The following LILRA1 variants were observed in gnomAD, a reference collection of about 807,000 sequenced individuals.
LILRA1 encodes leukocyte immunoglobulin like receptor A1, also known as leukocyte immunoglobulin-like receptor subfamily A member 1.
A neutral mutation model predicts 51.6 loss-of-function variants in LILRA1; 51 were observed. The ratio of observed to expected loss-of-function variants is 0.99; its 90% CI spans 0.79 to 1.25. LILRA1 has a LOEUF of 1.25. LILRA1 is among the 50% of genes most tolerant of loss of function. The probability of loss-of-function intolerance (pLI) is 0.00; values close to 1 mark genes in which losing one functional copy is unlikely to be tolerated. For synonymous variants in LILRA1, 305 were observed against 248.4 expected, an observed-to-expected ratio of 1.23 and a Z score of -2.14; for missense variants, 660 against 611.7, an observed-to-expected ratio of 1.08 and a Z score of -0.83.
In LILRA1 at chr19:54,596,190, A is replaced by G; in HGVS notation, c.960A>G (p.Gly320=). 6.2e-7 allele frequency: 1 copy of G among 1,613,368 alleles called. No homozygotes were observed. The highest frequency in any genetic ancestry group is 8.5e-7 in the Non-Finnish European group (1 of 1,179,562). ...CTCACCCATCCTTCTTCTCTCCAGG[A>G]CAGTTCCGTGGCAGACCCTTCATCT... ...PSDPLDILIA[G]QFRGRPFISV... The change falls in exon 7 of 10, where the codon GGA becomes GGG. Residue 320 remains glycine, a splice_region_variant and synonymous_variant. Transcript: ENST00000251372.
rs758619951 is a variant in LILRA1 at position 54,594,678 on chromosome 19, G to A, written c.84G>A (p.Lys28=). ...ATTTCCTTCCAGGGACCCTCCCCAAGCCCACACTCTGGGCTGAGCCAGGCT... is the reference window on the plus strand; with the variant it reads ...ATTTCCTTCCAGGGACCCTCCCCAAACCCACACTCTGGGCTGAGCCAGGCT... The part of the protein sequence containing the change: ...RTHVQAGTLP[K]PTLWAEPGSV... The change falls in exon 4 of 10, where the codon AAG becomes AAA. Residue 28 remains lysine, a synonymous_variant. Transcript: ENST00000251372. 3.1e-6 allele frequency: 5 copies of A among 1,613,030 alleles called. No homozygotes were observed. The East Asian group carries it at 8.9e-5, about 29-fold the overall frequency.
rs758917013 is a variant in LILRA1, at chr19:54,595,172, A to T, written c.431A>T (p.His144Leu). ...ACCTCAGGAGGGAACGTGACCCTCC[A>T]TTGTGTCTCACAGGTGGCATTTGGC... ...VVTSGGNVTLHCVSQVAFGSF... is the reference protein window; with the variant it reads ...VVTSGGNVTLLCVSQVAFGSF... Residue 144 changes from histidine (H) to leucine (L), a missense_variant, in exon 5 of 10, where the codon CAT becomes CTT. Transcript: ENST00000251372. The T allele has an allele frequency of 2.5e-6, 4 of 1,614,032 alleles. No homozygotes were observed. The highest frequency in any genetic ancestry group is 3.4e-6 in the Non-Finnish European group (4 of 1,179,990).
chr19:54,597,302 G>A (rs918031971), intron 7 of LILRA1, among the ~76,000 whole-genome samples: 23 of 152,190 alleles, frequency 1.5e-4, no homozygotes, highest in South Asian at 4.1e-4. Flanking sequence ...GTGCTCCAGG[G>A]ATGGGGCAGG....
Position 54,599,274 on chromosome 19 carries a change from G to C in LILRA1, c.1300G>C (p.Asp434His). The C allele has an allele frequency of 6.4e-7, 1 of 1,571,036 alleles. No individual in the cohort carries two copies. Among genetic ancestry groups the C allele is most frequent in the Non-Finnish European group, 8.7e-7 (1 of 1,153,612 alleles). Residue 434 changes from aspartate (D) to histidine (H), a missense_variant, in exon 8 of 10, where the codon GAT becomes CAT. By Grantham distance (81) the Asp-to-His change is moderately conservative. Coordinates refer to ENST00000251372, the MANE Select transcript of LILRA1 (RefSeq NM_006863.4). ...CCTCAGCCCACCACAAAACAAGTCC[G>C]ATTCCAAGGCTGGTGAGTGAGGAGA... is the stretch of plus-strand genomic sequence containing the variant. ...ETLSPPQNKS[D>H]SKAGAANTLS...
In LILRA1 at chr19:54,595,682, A is replaced by G. The variant is rs777353100; in HGVS notation, c.705A>G (p.Ile235Met). 2.4e-5 allele frequency: 35 copies of G among 1,469,478 alleles called. 1 individual carries two copies. Among genetic ancestry groups the G allele is most frequent in the East Asian group, 1.4e-4 (6 of 43,828 alleles). The allele number at this position is 1,469,478 out of a possible 1,614,324, so 91.0% of individuals were successfully genotyped here. The stretch of plus-strand genomic sequence containing the variant: ...CACTCTCAGTGCAGCCAGGTCCTAT[A>G]GTGGCCCCTGGGGAGAGCCTGACCC... ...KPSLSVQPGP[I>M]VAPGESLTLQ... The change falls in exon 6 of 10, where the codon ATA becomes ATG. Residue 235 changes from isoleucine (I) to methionine (M), a missense_variant. Coordinates refer to ENST00000251372, the MANE Select transcript of LILRA1 (RefSeq NM_006863.4).
At chr19:54,595,014 A>AG (rs2063002090) in intron 4 of LILRA1, 62 bp downstream of exon 4, 2 of 1,604,848 alleles carry the variant, frequency 1.2e-6, no homozygotes, top group South Asian at 2.2e-5. Flanking sequence ...GTCAGTTCTC[A>AG]GGGGCATCTC....
At position 54,595,204 on chromosome 19, in the gene LILRA1, A is replaced by G; in HGVS notation, c.463A>G (p.Ile155Val). ...CVSQVAFGSF[I>V]LCKEGEDEHP... ...CTCACAGGTGGCATTTGGCAGCTTCATTCTGTGTAAGGAAGGAGAAGATGA... is the reference window on the plus strand; with the variant it reads ...CTCACAGGTGGCATTTGGCAGCTTCGTTCTGTGTAAGGAAGGAGAAGATGA... The change falls in exon 5 of 10, where the codon ATT becomes GTT. Residue 155 changes from isoleucine (I) to valine (V), a missense_variant. Physicochemically the swap from Ile to Val is conservative, Grantham distance 29. Coordinates refer to ENST00000251372, the MANE Select transcript of LILRA1 (RefSeq NM_006863.4). 6.2e-7 allele frequency: 1 copy of G among 1,614,032 alleles called. No homozygotes were observed. Among genetic ancestry groups the G allele is most frequent in the Non-Finnish European group, 8.5e-7 (1 of 1,179,990 alleles).
chr19:54,596,317 G>A lies in LILRA1; in HGVS notation c.1087G>A (p.Ala363Thr), dbSNP rs2063054572. The change falls in exon 7 of 10, where the codon GCT (alanine) becomes ACT (threonine). Residue 363 changes from alanine (A) to threonine (T), a missense_variant. By Grantham distance (58) the Ala-to-Thr change is moderately conservative. Coordinates refer to ENST00000251372, the MANE Select transcript of LILRA1 (RefSeq NM_006863.4). ...HTFLLTKAGAADAPLRLRSIH... is the reference protein window; with the variant it reads ...HTFLLTKAGATDAPLRLRSIH... Reference sequence around the variant, plus strand: ...TTTCCTTCTGACCAAGGCGGGAGCAGCTGATGCCCCCCTCCGTCTCAGATC... The same window carrying A: ...TTTCCTTCTGACCAAGGCGGGAGCAACTGATGCCCCCCTCCGTCTCAGATC... 2 of 1,614,026 alleles carry A rather than the reference G, an allele frequency of 1.2e-6. No homozygotes were observed. Among genetic ancestry groups the A allele is most frequent in the Admixed American group, 1.7e-5 (1 of 59,998 alleles).
chr19:54,594,160 G>C, intron 1 of LILRA1, 37 bp from the exon 2 acceptor site: 2 of 1,085,752 alleles, frequency 1.8e-6, no homozygotes, highest in East Asian at 2.3e-5. Context: ...GGGAAGGAGG[G>C]GAGGCTATTT....
chr19:54,597,967 G>T (rs1164535544), intron 7 of LILRA1, among the ~76,000 whole-genome samples: 1 of 150,540 alleles, frequency 6.6e-6, no homozygotes, highest in Non-Finnish European at 1.5e-5. Flanking sequence ...GGCACCCACA[G>T]CTGGAGTGCT....
chr19:54,599,390 T>C, intron 8 of LILRA1, 104 bp downstream of exon 8: 1 of 1,419,314 alleles, frequency 7.0e-7, no homozygotes, highest in Non-Finnish European at 9.4e-7. Context: ...ATTACATTCA[T>C]TCTAATTTAA....
intron 8 of LILRA1, chr19:54,599,758 T>C (rs1799250284): frequency 2.5e-6 from 1 of 407,966 alleles, no homozygotes. Flanking sequence ...CTTTTGAATA[T>C]GTGTGTAAGT....
At chr19:54,599,206 A>T (rs1276984721) in intron 7 of LILRA1, 30 bp from the exon 8 acceptor site, 1 of 1,538,788 alleles carries the variant, frequency 6.5e-7, no homozygotes, top group African/African-American at 1.4e-5. Flanking sequence ...ACCTCTGAAT[A>T]TGTCTCTTCT....
chr19:54,600,069 G>C lies in LILRA1; in HGVS notation c.1313-443G>C, dbSNP rs559651944. Among the ~76,000 whole-genome samples the C allele has an allele frequency of 6.7e-4, 102 of 152,292 alleles. 1 individual carries two copies. The South Asian group carries it at 0.02, about 30-fold the overall frequency. On this transcript the variant is annotated intron_variant, in intron 8 of 9. Transcript: ENST00000251372. The stretch of plus-strand genomic sequence containing the variant: ...GAACTGGCTGAGGCTGTGTGAAGAA[G>C]AAGCACCCCCAGACTTTCACCCCTT...
Position 54,594,801 on chromosome 19 carries a change from G to C in LILRA1, c.207G>C (p.Trp69Cys), listed in dbSNP as rs200632994. 221 of 1,614,000 alleles carry C rather than the reference G, an allele frequency of 1.4e-4. No homozygotes were observed. Among genetic ancestry groups the C allele is most frequent in the Non-Finnish European group, 1.3e-5 (15 of 1,180,000 alleles). ...ATAGAGAAAAGAAAACAGCACCCTG[G>C]ATTACACGGATCCCACAGGAGATTG... Reference protein sequence around the residue: ...RLYREKKTAPWITRIPQEIVK... With the variant: ...RLYREKKTAPCITRIPQEIVK... The change falls in exon 4 of 10, where the codon TGG becomes TGC. Residue 69 changes from tryptophan to cysteine, a missense_variant. Coordinates refer to ENST00000251372, the MANE Select transcript of LILRA1 (RefSeq NM_006863.4).
At chr19:54,598,856 T>C (rs994164716) in intron 7 of LILRA1, among the ~76,000 whole-genome samples, 5 of 152,126 alleles carry the variant, frequency 3.3e-5, no homozygotes, top group Non-Finnish European at 7.4e-5. Flanking sequence ...AGTGCAGTGG[T>C]GAAATCTTGG....
At position 54,595,364 on chromosome 19, in the gene LILRA1, G is replaced by A; in HGVS notation, c.623G>A (p.Trp208Ter). The A allele has an allele frequency of 6.2e-7, 1 of 1,613,766 alleles. No individual in the cohort carries two copies. Among genetic ancestry groups the A allele is most frequent in the Non-Finnish European group, 8.5e-7 (1 of 1,179,760 alleles). ...TATGACTCGAACTCTCCCCATGTGT[G>A]GTCTCTACCCAGTGATCTCCTGGAG... ...YAYDSNSPHV[W>*]SLPSDLLELL... Residue 208 changes from tryptophan to a stop codon, truncating the protein, a stop_gained, in exon 5 of 10, where the codon TGG (tryptophan) becomes TAG (stop). Coordinates refer to ENST00000251372, the MANE Select transcript of LILRA1 (RefSeq NM_006863.4). LOFTEE classifies it high-confidence loss of function.
chr19:54,594,086 C>T lies in LILRA1; in HGVS notation c.-48-111C>T, dbSNP rs199655491. On this transcript the variant is annotated intron_variant, in intron 1 of 9. Coordinates refer to ENST00000251372, the MANE Select transcript of LILRA1 (RefSeq NM_006863.4). ...GCTCCTGGTAGGGTAGTTCTGCTTC[C>T]TGTGTGGCTGCAGATGACAACACCC... The T allele has an allele frequency of 1.7e-3, 2,109 of 1,207,132 alleles. 33 individuals are homozygous for T. The highest frequency in any genetic ancestry group is 0.015 in the African/African-American group (984 of 65,338). 74.8% of individuals were successfully genotyped at this position (1,207,132 alleles called of 1,614,324 possible).
chr19:54,598,148 T>A (rs1039684103), intron 7 of LILRA1, among the ~76,000 whole-genome samples: 1 of 152,020 alleles, frequency 6.6e-6, no homozygotes, highest in Admixed American at 6.5e-5. Context: ...TTCTACACTG[T>A]ATTTTCTGTA....
Sources: allele counts gnomAD v4.1 joint callset (sites outside exome capture counted in the v4.1 genomes callset), GRCh38; gene constraint gnomAD v4.1.1; transcripts MANE v1.5; gene names NCBI Gene and HGNC (gene_info 2026-07-23, HGNC 2026-07-21).